COL11A1: variants seen among roughly 807,000 people sequenced by gnomAD.
COL11A1 encodes collagen type XI alpha 1 chain, also known as collagen alpha-1(XI) chain.
In COL11A1, 74 loss-of-function variants were observed where a neutral mutation model predicts 265.2. That is an observed-to-expected ratio of 0.28 (90% CI 0.23 to 0.34). COL11A1 has a LOEUF of 0.34. Among genes scored for constraint, COL11A1 ranks in the 10% least tolerant of loss-of-function variants. COL11A1 has a pLI of 1.00. For missense variants in COL11A1, 2,165 were observed against 2,263.6 expected (o/e 0.96, Z 0.88); for synonymous variants, 816 against 727.6 (o/e 1.12, Z -1.96).
At chr1:102,905,489 T>A (rs1296543921) in intron 54 of COL11A1, among the ~76,000 whole-genome samples, 1 of 147,426 alleles carries the variant, frequency 6.8e-6, no homozygotes, top group East Asian at 2.0e-4. Flanking sequence ...ATTTGTACCC[T>A]GAGTTGCTAA....
At chr1:102,967,591 C>A (rs1009844611) in intron 37 of COL11A1, among the ~76,000 whole-genome samples, 1 of 151,984 alleles carries the variant, frequency 6.6e-6, no homozygotes, top group Non-Finnish European at 1.5e-5. Context: ...CAATAGGGGC[C>A]CAGTATGCAA....
At position 102,909,747 on chromosome 1, in the gene COL11A1, TA is replaced by T. The variant is rs536008802; in HGVS notation, c.4086+2411del. 3.2e-3 allele frequency among the ~76,000 whole-genome samples: 487 copies of T among 152,188 alleles called. 3 individuals carry two copies. Among genetic ancestry groups the T allele is most frequent in the African/African-American group, 0.011 (464 of 41,552 alleles). The stretch of plus-strand genomic sequence containing the variant: ...ACTTCGGTGTTGTAGAGCAAATATA[TA>T]ATCTAAATCTGAATATGTATTGAAT... On this transcript the variant is annotated intron_variant, in intron 54 of 66. Transcript: ENST00000370096.
At chr1:102,962,337 A>G in intron 39 of COL11A1, 72 bp from the exon 40 acceptor site, 2 of 1,108,586 alleles carry the variant, frequency 1.8e-6, no homozygotes, top group African/African-American at 1.5e-5. Context: ...AATTGTGATT[A>G]CCTCTAAACT....
chr1:103,090,660 G>A (rs949991324), intron 1 of COL11A1, among the ~76,000 whole-genome samples: 4 of 152,094 alleles, frequency 2.6e-5, no homozygotes, highest in Non-Finnish European at 4.4e-5. Context: ...AGAATTAAAC[G>A]CTGTAAGGAA....
intron 3 of COL11A1, among the ~76,000 whole-genome samples, chr1:103,077,821 T>C (rs1021292972): frequency 5.3e-5 from 8 of 152,060 alleles, no homozygotes; most frequent in African/African-American, 1.9e-4. Context: ...ACTTCCTGAG[T>C]TCAAACCCCA....
At position 102,957,721 on chromosome 1, in the gene COL11A1, G is replaced by A. The variant is rs371266398; in HGVS notation, c.3168+4145C>T. 6.6e-5 allele frequency among the ~76,000 whole-genome samples: 10 copies of A among 152,096 alleles called. No homozygotes were observed. In the East Asian group the frequency reaches 7.7e-4, roughly 12 times the overall value. On this transcript the variant is annotated intron_variant, in intron 41 of 66. Coordinates refer to ENST00000370096, the MANE Select transcript of COL11A1 (RefSeq NM_001854.4). ...AAATTGTTCACAGAGATTTAGAAGG[G>A]TCAAGATGACTTGAAAATGAGTTTA...
At chr1:102,975,896 CAA>C (rs1216994914) in intron 35 of COL11A1, among the ~76,000 whole-genome samples, 1 of 152,026 alleles carries the variant, frequency 6.6e-6, no homozygotes, top group African/African-American at 2.4e-5. Context: ...GAAATCATCA[CAA>C]GTTTTTATTA....
At chr1:102,985,530 C>G (rs1180626657) in intron 30 of COL11A1, among the ~76,000 whole-genome samples, 1 of 152,090 alleles carries the variant, frequency 6.6e-6, no homozygotes, top group Non-Finnish European at 1.5e-5. Context: ...TAATTCTGAT[C>G]ACAAGCTATT....
chr1:103,002,058 A>G, intron 23 of COL11A1, 89 bp from the exon 24 acceptor site: 1 of 1,105,542 alleles, frequency 9.0e-7, no homozygotes, highest in East Asian at 2.4e-5. Context: ...ACTATAGTAC[A>G]CAGTGAGTTA....
At chr1:103,002,605 T>C in intron 22 of COL11A1, 124 bp from the exon 23 acceptor site, 1 of 1,111,616 alleles carries the variant, frequency 9.0e-7, no homozygotes, top group Non-Finnish European at 1.3e-6. Context: ...TTCTGGAAAA[T>C]ATTTCAAAAT....
chr1:102,923,105 G>C (rs1173286846), intron 47 of COL11A1, among the ~76,000 whole-genome samples: 1 of 152,086 alleles, frequency 6.6e-6, no homozygotes, highest in Non-Finnish European at 1.5e-5. Flanking sequence ...GTTAATTTTT[G>C]ATTCTGTATA....
chr1:102,929,232 G>A (rs1214359092), intron 46 of COL11A1, among the ~76,000 whole-genome samples: 44 of 147,730 alleles, frequency 3.0e-4, no homozygotes, highest in Non-Finnish European at 5.1e-4. Context: ...TAGGTCTAAC[G>A]TTTAAGTCTT....
intron 63 of COL11A1, 74 bp downstream of exon 63, chr1:102,886,733 A>T: frequency 6.3e-7 from 1 of 1,580,732 alleles, no homozygotes; most frequent in Non-Finnish European, 8.7e-7. Flanking sequence ...TTTAACTAGA[A>T]TGAATGAGCT....
chr1:103,106,876 G>A (rs1674733343), intron 1 of COL11A1, among the ~76,000 whole-genome samples: 1 of 152,048 alleles, frequency 6.6e-6, no homozygotes, highest in African/African-American at 2.4e-5. Context: ...TAGACCCAGG[G>A]CCACACTCAA....
chr1:102,934,560 G>A lies in COL11A1; in HGVS notation c.3493-4C>T. 1 of 1,607,520 alleles carries A rather than the reference G, an allele frequency of 6.2e-7. No individual in the cohort carries two copies. Among genetic ancestry groups the A allele is most frequent in the Non-Finnish European group, 8.5e-7 (1 of 1,174,038 alleles). ...GACCTGGTTCACCATCACCTCCCTAGAGAAGAGAAAGAAACATTATCACAA... is the reference window on the plus strand; with the variant it reads ...GACCTGGTTCACCATCACCTCCCTAAAGAAGAGAAAGAAACATTATCACAA... On this transcript the variant is annotated splice_polypyrimidine_tract_variant and splice_region_variant and intron_variant, in intron 45 of 66. Transcript: ENST00000370096.
intron 57 of COL11A1, among the ~76,000 whole-genome samples, chr1:102,895,807 G>A (rs563120713): frequency 2.0e-5 from 3 of 149,290 alleles, no homozygotes; most frequent in Non-Finnish European, 4.4e-5. Context: ...AGTATCCTCT[G>A]CTTGAGTCTA....
In COL11A1 at chr1:102,939,049, C is replaced by T. The variant is rs1364963653; in HGVS notation, c.3424G>A (p.Asp1142Asn). The stretch of plus-strand genomic sequence containing the variant: ...AGGAAACTCACATTTTCTCCCTTGT[C>T]ACCCTTGCTGCCTTTTTGTCCCGGC... ...GEPGQKGSKG[D>N]KGENGPPGPP... is the part of the protein sequence containing the mutation. Residue 1142 changes from aspartate (D) to asparagine (N), a missense_variant, in exon 44 of 67, where the codon GAC (aspartate) becomes AAC (asparagine). Physicochemically the swap from Asp to Asn is conservative, Grantham distance 23. Transcript: ENST00000370096. The T allele has an allele frequency of 6.2e-7, 1 of 1,613,756 alleles. No homozygotes were observed. The highest frequency in any genetic ancestry group is 8.5e-7 in the Non-Finnish European group (1 of 1,179,818).
chr1:102,970,516 T>A (rs1304695342), intron 36 of COL11A1, among the ~76,000 whole-genome samples: 2 of 152,234 alleles, frequency 1.3e-5, no homozygotes, highest in Non-Finnish European at 2.9e-5. Context: ...TAAATATATT[T>A]CATTTGCATC....
At position 102,878,108 on chromosome 1, in the gene COL11A1, C is replaced by T. The variant is rs991011471; in HGVS notation, c.5332G>A (p.Val1778Ile). The change falls in exon 67 of 67, where the codon GTA becomes ATA. Residue 1778 changes from valine to isoleucine, a missense_variant. Transcript: ENST00000370096. ...TTGATCATGACATCAACAATAGGTA[C>T]TTGATCAATTTTTGGTGTATTGATT... ...IEINTPKIDQ[V>I]PIVDVMINDF... The T allele has an allele frequency of 6.2e-7, 1 of 1,613,332 alleles. No individual in the cohort carries two copies. The highest frequency in any genetic ancestry group is 1.7e-4 in the Middle Eastern group (1 of 6,048).
Sources: gnomAD v4.1 joint callset for allele counts (sites outside exome capture counted in the v4.1 genomes callset) on GRCh38, gnomAD v4.1.1 for gene constraint, MANE v1.5 for transcripts, NCBI Gene and HGNC (gene_info 2026-07-23, HGNC 2026-07-21) for gene names.